Variants in LRRTM4 observed in about 807,000 individuals in gnomAD.
LRRTM4 encodes the protein leucine rich repeat transmembrane neuronal 4.
A neutral mutation model predicts 47.6 loss-of-function variants in LRRTM4; 25 were observed. That is an observed-to-expected ratio of 0.53 (90% confidence interval 0.38 to 0.73). The LOEUF (loss-of-function observed/expected upper bound fraction) is 0.73, where lower values mean the gene tolerates loss of function less well. Among genes scored for constraint, LRRTM4 ranks in the 30% least tolerant of loss-of-function variants. The pLI is 0.00. For missense variants in LRRTM4, 638 were observed against 713.4 expected (o/e 0.89, Z 1.20); for synonymous variants, 311 against 269.5 (o/e 1.15, Z -1.51).
chr2:77,017,235 G>C (rs1678102157), intron 3 of LRRTM4, among the ~76,000 whole-genome samples: 3 of 152,056 alleles, frequency 2.0e-5, no homozygotes, highest in Admixed American at 1.3e-4. Flanking sequence ...CTGACCTCCT[G>C]TTGTTCTACC....
intron 3 of LRRTM4, among the ~76,000 whole-genome samples, chr2:77,203,271 G>C (rs921981031): frequency 1.3e-5 from 2 of 151,988 alleles, no homozygotes; most frequent in South Asian, 4.2e-4. Context: ...AGGAATAGAC[G>C]GGTCCCTAAA....
chr2:77,208,118 A>T (rs1338026551), intron 3 of LRRTM4, among the ~76,000 whole-genome samples: 1 of 151,926 alleles, frequency 6.6e-6, no homozygotes, highest in Non-Finnish European at 1.5e-5. Context: ...ACCTCAGGTG[A>T]TCCTCCCACC....
intron 3 of LRRTM4, among the ~76,000 whole-genome samples, chr2:77,421,701 C>G (rs1213241442): frequency 6.7e-6 from 1 of 148,694 alleles, no homozygotes; most frequent in Non-Finnish European, 1.5e-5. Context: ...AGGGAGACTC[C>G]ATCTCAAAAA....
intron 3 of LRRTM4, among the ~76,000 whole-genome samples, chr2:77,386,033 A>G (rs1233301916): frequency 6.6e-6 from 1 of 152,088 alleles, no homozygotes; most frequent in Non-Finnish European, 1.5e-5. Flanking sequence ...CTGGGATTAC[A>G]GGCATGAGCC....
At chr2:77,438,424 T>G (rs986733521) in intron 3 of LRRTM4, among the ~76,000 whole-genome samples, 2 of 102,008 alleles carry the variant, frequency 2.0e-5, no homozygotes, top group Non-Finnish European at 4.1e-5. Flanking sequence ...TTTTTTTTTT[T>G]GAGATGGAGT....
At chr2:76,901,353 C>T (rs575700417) in intron 3 of LRRTM4, among the ~76,000 whole-genome samples, 8 of 152,260 alleles carry the variant, frequency 5.3e-5, no homozygotes, top group Admixed American at 5.2e-4. Flanking sequence ...CTTCCAGTTC[C>T]ATCCATGTCC....
intron 3 of LRRTM4, among the ~76,000 whole-genome samples, chr2:77,407,061 A>G (rs1674219127): frequency 1.3e-5 from 2 of 152,154 alleles, no homozygotes; most frequent in South Asian, 4.1e-4. Flanking sequence ...GGAATAATTT[A>G]TTCCTTACGA....
intron 3 of LRRTM4, among the ~76,000 whole-genome samples, chr2:76,843,028 G>C (rs1016110913): frequency 6.6e-6 from 1 of 152,120 alleles, no homozygotes; most frequent in Non-Finnish European, 1.5e-5. Context: ...TGAAATAAAT[G>C]GTAAGGTTTA....
chr2:77,247,975 A>T (rs1471013006), intron 3 of LRRTM4, among the ~76,000 whole-genome samples: 1 of 150,388 alleles, frequency 6.6e-6, no homozygotes, highest in Non-Finnish European at 1.5e-5. Context: ...TTAAGACTTT[A>T]TATTACTTAG....
intron 3 of LRRTM4, among the ~76,000 whole-genome samples, chr2:77,304,361 T>C (rs1677216624): frequency 6.6e-6 from 1 of 152,184 alleles, no homozygotes; most frequent in Non-Finnish European, 1.5e-5. Context: ...CTTTATCACA[T>C]GTATAGTTTG....
intron 3 of LRRTM4, among the ~76,000 whole-genome samples, chr2:77,514,257 G>A (rs1679128122): frequency 6.6e-6 from 1 of 151,902 alleles, no homozygotes; most frequent in African/African-American, 2.4e-5. Context: ...AAGGTAACTG[G>A]GTCTGCTTTC....
At chr2:76,913,200 ATATT>A (rs1674131079) in intron 3 of LRRTM4, among the ~76,000 whole-genome samples, 1 of 152,064 alleles carries the variant, frequency 6.6e-6, no homozygotes, top group South Asian at 2.1e-4. Context: ...AAATATTGTT[ATATT>A]TATTGATTTG....
At chr2:76,840,018 C>A (rs991673666) in intron 3 of LRRTM4, among the ~76,000 whole-genome samples, 9 of 151,954 alleles carry the variant, frequency 5.9e-5, no homozygotes, top group Admixed American at 3.9e-4. Flanking sequence ...AAGGCAGACC[C>A]CCTGCTGCCT....
chr2:76,783,612 G>T (rs2104170083), intron 3 of LRRTM4, among the ~76,000 whole-genome samples: 1 of 152,136 alleles, frequency 6.6e-6, no homozygotes. Context: ...AATGTGAAAA[G>T]TTTCTCTGAA....
intron 3 of LRRTM4, among the ~76,000 whole-genome samples, chr2:77,137,101 A>G (rs1416953070): frequency 6.6e-6 from 1 of 151,872 alleles, no homozygotes; most frequent in Non-Finnish European, 1.5e-5. Flanking sequence ...GCAGGTCAAC[A>G]TTCAAATTCA....
At chr2:77,257,459 A>G (rs1448922460) in intron 3 of LRRTM4, among the ~76,000 whole-genome samples, 2 of 152,150 alleles carry the variant, frequency 1.3e-5, no homozygotes, top group African/African-American at 4.8e-5. Context: ...CACTCATAAA[A>G]GGGGAAATAC....
At position 77,424,555 on chromosome 2, in the gene LRRTM4, C is replaced by T. The variant is rs945879817; in HGVS notation, c.1551+93763G>A. ...TTTTAACCAAAACCACTTCCTTATT[C>T]CAATGGAATGCATATTTTGCAATTT... On this transcript the variant is annotated intron_variant, in intron 3 of 3. Coordinates refer to ENST00000409884, the MANE Select transcript of LRRTM4 (RefSeq NM_001134745.3). Among the ~76,000 whole-genome samples, 4 of 152,072 alleles carry T rather than the reference C, an allele frequency of 2.6e-5. No individual in the cohort carries two copies. In the East Asian group the frequency reaches 5.8e-4, roughly 22 times the overall value.
chr2:77,150,253 A>G (rs1672379544), intron 3 of LRRTM4, among the ~76,000 whole-genome samples: 2 of 152,162 alleles, frequency 1.3e-5, no homozygotes, highest in South Asian at 4.1e-4. Context: ...TTCACTTTGC[A>G]TTTTTCTGTT....
rs72913935 is a variant in LRRTM4 at position 77,193,787 on chromosome 2, A to C, written c.1551+324531T>G. 6.9e-3 allele frequency among the ~76,000 whole-genome samples: 1,053 copies of C among 152,298 alleles called. 13 individuals carry two copies. Among genetic ancestry groups the C allele is most frequent in the African/African-American group, 0.024 (998 of 41,550 alleles). On this transcript the variant is annotated intron_variant, in intron 3 of 3. Transcript: ENST00000409884. ...AGTGAAACTCCATCTCAGGAAAAAA[A>C]TATATATTTTTCAGTCACCATGTGC...
Sources: allele counts gnomAD v4.1 joint callset (sites outside exome capture counted in the v4.1 genomes callset), GRCh38; gene constraint gnomAD v4.1.1; transcripts MANE v1.5; gene names NCBI Gene and HGNC (gene_info 2026-07-23, HGNC 2026-07-21).